Variants in LINGO2 observed in about 807,000 individuals in gnomAD.
The protein encoded by LINGO2 is leucine-rich repeat and immunoglobulin-like domain-containing nogo receptor-interacting protein 2.
A neutral mutation model predicts 30.6 loss-of-function variants in LINGO2; 14 were observed. The ratio of observed to expected loss-of-function variants is 0.46; its 90% CI spans 0.30 to 0.72. The LOEUF is 0.72. Ranked by LOEUF, LINGO2 falls within the 30% of genes least tolerant of loss-of-function variation. The pLI is 0.07. For missense variants in LINGO2, 729 were observed against 751.7 expected (o/e 0.97, Z 0.35); for synonymous variants, 317 against 288.5 (o/e 1.10, Z -1.00).
chr9:28,911,719 G>T, the LINGO2 span, among the ~76,000 whole-genome samples: 3 of 151,954 alleles, frequency 2.0e-5, no homozygotes, highest in Non-Finnish European at 4.4e-5. Flanking sequence ...AATATTAAAA[G>T]GTTAGAGCCA....
At chr9:28,001,535 AG>A (rs34797349) in intron 5 of LINGO2, among the ~76,000 whole-genome samples, 43,983 of 152,086 alleles carry the variant, frequency 0.29, 7,028 homozygotes, top group East Asian at 0.45. Flanking sequence ...TGTTACATTC[AG>A]TGCTACTTAA....
chr9:29,083,100 T>G, the LINGO2 span, among the ~76,000 whole-genome samples: 2 of 152,160 alleles, frequency 1.3e-5, no homozygotes, highest in African/African-American at 4.8e-5. Context: ...CCCAAAGGAT[T>G]GTAAAACATG....
At chr9:29,140,076 T>C in the LINGO2 span, among the ~76,000 whole-genome samples, 1 of 152,106 alleles carries the variant, frequency 6.6e-6, no homozygotes, top group African/African-American at 2.4e-5. Context: ...AGTATACCTC[T>C]TGGGGAAGGT....
At chr9:27,941,079 T>C in the LINGO2 span, 1 of 152,216 alleles carries the variant, frequency 6.6e-6, no homozygotes, top group Non-Finnish European at 1.5e-5. Context: ...CCAGAGCAGC[T>C]CTGGCATTAA....
chr9:28,792,922 T>C, the LINGO2 span, among the ~76,000 whole-genome samples: 1 of 152,140 alleles, frequency 6.6e-6, no homozygotes, highest in Non-Finnish European at 1.5e-5. Context: ...TCAGGAGATA[T>C]TTCCACTACT....
the LINGO2 span, among the ~76,000 whole-genome samples, chr9:29,116,903 A>G: frequency 6.6e-6 from 1 of 152,194 alleles, no homozygotes; most frequent in Non-Finnish European, 1.5e-5. Flanking sequence ...ACATAATGCC[A>G]TGTCAACAGA....
chr9:28,655,618 G>C (rs1228068181), intron 1 of LINGO2, among the ~76,000 whole-genome samples: 5 of 152,062 alleles, frequency 3.3e-5, no homozygotes, highest in African/African-American at 7.2e-5. Context: ...CGCATGTTAT[G>C]AGAGGGACCA....
the LINGO2 span, among the ~76,000 whole-genome samples, chr9:28,940,982 A>T: frequency 6.7e-6 from 1 of 149,824 alleles, no homozygotes; most frequent in East Asian, 2.0e-4. Context: ...ACTCATATTT[A>T]TGTCTTTGCC....
At chr9:29,154,241 T>C in the LINGO2 span, among the ~76,000 whole-genome samples, 37,747 of 151,580 alleles carry the variant, frequency 0.25, 4,898 homozygotes, top group East Asian at 0.44. Context: ...ATCAGGAGAT[T>C]GAGACCATCC....
At chr9:28,387,076 T>C (rs1389246104) in intron 2 of LINGO2, among the ~76,000 whole-genome samples, 1 of 152,130 alleles carries the variant, frequency 6.6e-6, no homozygotes, top group African/African-American at 2.4e-5. Context: ...GGAGAACTTT[T>C]CTGTCTAGCT....
intron 1 of LINGO2, among the ~76,000 whole-genome samples, chr9:28,636,488 G>A (rs968461182): frequency 6.6e-6 from 1 of 152,134 alleles, no homozygotes; most frequent in African/African-American, 2.4e-5. Flanking sequence ...AGCACCTGTT[G>A]TTGCCTGACT....
chr9:28,556,142 C>T (rs377397730), intron 1 of LINGO2, among the ~76,000 whole-genome samples: 1 of 151,914 alleles, frequency 6.6e-6, no homozygotes, highest in South Asian at 2.1e-4. Context: ...GAAGTTCTGG[C>T]CAGGGCAATT....
intron 1 of LINGO2, among the ~76,000 whole-genome samples, chr9:28,556,923 C>T (rs1822736298): frequency 6.6e-6 from 1 of 152,038 alleles, no homozygotes; most frequent in South Asian, 2.1e-4. Flanking sequence ...ATAAATGGTG[C>T]TGGGAAAACT....
the LINGO2 span, among the ~76,000 whole-genome samples, chr9:29,147,187 GAAAAT>G: frequency 6.6e-6 from 1 of 151,886 alleles, no homozygotes; most frequent in Non-Finnish European, 1.5e-5. Flanking sequence ...TTTTATGAAA[GAAAAT>G]AAAAATATAA....
At chr9:28,564,830 T>G (rs964196022) in intron 1 of LINGO2, among the ~76,000 whole-genome samples, 1 of 152,036 alleles carries the variant, frequency 6.6e-6, no homozygotes, top group African/African-American at 2.4e-5. Flanking sequence ...ACATTTCGAG[T>G]CTTCAATAGT....
At chr9:28,856,693 A>G in the LINGO2 span, among the ~76,000 whole-genome samples, 1 of 152,062 alleles carries the variant, frequency 6.6e-6, no homozygotes, top group African/African-American at 2.4e-5. Flanking sequence ...GGTCACATAA[A>G]AGATTTTGGT....
the LINGO2 span, among the ~76,000 whole-genome samples, chr9:28,824,588 T>C: frequency 3.3e-5 from 5 of 152,180 alleles, no homozygotes; most frequent in African/African-American, 1.2e-4. Context: ...TGGAGTAATA[T>C]GCAGAAAAAG....
At chr9:28,172,196 C>T (rs1828620085) in intron 4 of LINGO2, among the ~76,000 whole-genome samples, 1 of 150,260 alleles carries the variant, frequency 6.7e-6, no homozygotes, top group African/African-American at 2.5e-5. Context: ...TCGAGACCAT[C>T]CCGGCTAAAA....
intron 4 of LINGO2, among the ~76,000 whole-genome samples, chr9:28,166,928 A>G (rs1828443972): frequency 6.6e-6 from 1 of 152,134 alleles, no homozygotes; most frequent in Non-Finnish European, 1.5e-5. Context: ...TATGAATGCC[A>G]CAGACAGTCA....
Sources: gnomAD v4.1 joint callset for allele counts (sites outside exome capture counted in the v4.1 genomes callset) on GRCh38, gnomAD v4.1.1 for gene constraint, MANE v1.5 for transcripts, NCBI Gene and HGNC (gene_info 2026-07-23, HGNC 2026-07-21) for gene names.